The following ADK variants were observed in gnomAD, a reference collection of about 807,000 sequenced individuals.
The protein encoded by ADK is adenosine kinase, also known as N6,N6-dimethyladenosine kinase.
A neutral mutation model predicts 44.7 loss-of-function variants in ADK; 24 were observed. The ratio of observed to expected loss-of-function variants is 0.54; its 90% CI spans 0.39 to 0.76. The LOEUF (loss-of-function observed/expected upper bound fraction) is 0.76. Among genes scored for constraint, ADK ranks in the 30% least tolerant of loss-of-function variants. The pLI is 0.00. For synonymous variants in ADK, 128 were observed against 142.6 expected (o/e 0.90, Z 0.73); for missense variants, 321 against 425.1 (o/e 0.76, Z 2.15).
chr10:74,257,511 A>C lies in ADK; in HGVS notation c.194+32920A>C, dbSNP rs564910403. Among the ~76,000 whole-genome samples the C allele has an allele frequency of 4.6e-5, 7 of 152,336 alleles. No individual in the cohort carries two copies. The East Asian group carries it at 1.2e-3, about 25-fold the overall frequency. On this transcript the variant is annotated intron_variant, in intron 3 of 10. Transcript: ENST00000539909. The stretch of plus-strand genomic sequence containing the variant: ...CTTAAATGAAAAATATGAGTTAATA[A>C]AGCAATTTATAATTTTATATCAATT...
chr10:74,616,764 C>G (rs2134013873), intron 9 of ADK, among the ~76,000 whole-genome samples: 1 of 152,088 alleles, frequency 6.6e-6, no homozygotes, highest in East Asian at 1.9e-4. Context: ...TTTAAAAATT[C>G]CTTACTAGAG....
intron 6 of ADK, among the ~76,000 whole-genome samples, chr10:74,483,256 C>T (rs984524488): frequency 6.6e-6 from 1 of 152,194 alleles, no homozygotes; most frequent in Non-Finnish European, 1.5e-5. Flanking sequence ...TTACAGCTTG[C>T]ACCCTCTGGA....
intron 10 of ADK, among the ~76,000 whole-genome samples, chr10:74,695,620 GTGTGT>G (rs781133013): frequency 0.011 from 1,339 of 126,046 alleles, 15 homozygotes; most frequent in African/African-American, 0.013. Context: ...TATGTGTGGG[GTGTGT>G]GTGTGTGTGT....
At chr10:74,408,019 G>A (rs895311456) in intron 6 of ADK, among the ~76,000 whole-genome samples, 2 of 151,204 alleles carry the variant, frequency 1.3e-5, no homozygotes, top group Non-Finnish European at 2.9e-5. Context: ...TCAGTCTGTT[G>A]CCCAGGCTGG....
intron 9 of ADK, among the ~76,000 whole-genome samples, chr10:74,617,587 G>A (rs1444093671): frequency 6.6e-6 from 1 of 151,958 alleles, no homozygotes; most frequent in Non-Finnish European, 1.5e-5. Flanking sequence ...TTGATGTGAT[G>A]TTATTTTGTT....
chr10:74,664,994 C>A (rs190735622), intron 9 of ADK, among the ~76,000 whole-genome samples: 24 of 152,252 alleles, frequency 1.6e-4, no homozygotes, highest in Admixed American at 2.6e-4. Flanking sequence ...TATAACCTGG[C>A]TAACAGAATA....
chr10:74,275,553 ACT>A (rs1038986393), intron 3 of ADK, among the ~76,000 whole-genome samples: 6 of 151,888 alleles, frequency 4.0e-5, no homozygotes, highest in African/African-American at 1.5e-4. Context: ...CTCTTATTAA[ACT>A]CTCTAACAAT....
chr10:74,481,296 T>A (rs962252473), intron 6 of ADK, among the ~76,000 whole-genome samples: 3 of 152,310 alleles, frequency 2.0e-5, no homozygotes, highest in African/African-American at 7.2e-5. Flanking sequence ...ACTACTTTGT[T>A]ACTCTAATTT....
intron 6 of ADK, among the ~76,000 whole-genome samples, chr10:74,416,164 A>T (rs1844367664): frequency 1.3e-5 from 2 of 150,504 alleles, no homozygotes; most frequent in African/African-American, 4.9e-5. Flanking sequence ...CGTGAAGCTT[A>T]AAAAAAAATT....
At chr10:74,352,109 T>C (rs980468557) in intron 4 of ADK, among the ~76,000 whole-genome samples, 1 of 150,388 alleles carries the variant, frequency 6.6e-6, no homozygotes, top group Non-Finnish European at 1.5e-5. Flanking sequence ...AAGGAGCCTG[T>C]GTAGCTAAGA....
chr10:74,409,878 C>G (rs535378186), intron 6 of ADK, among the ~76,000 whole-genome samples: 2 of 152,242 alleles, frequency 1.3e-5, no homozygotes, highest in South Asian at 4.2e-4. Context: ...TTTACATCTC[C>G]TGCTTTGTTT....
At chr10:74,595,612 A>G (rs113092659) in intron 8 of ADK, among the ~76,000 whole-genome samples, 51,394 of 149,732 alleles carry the variant, frequency 0.34, 12,396 homozygotes, top group East Asian at 0.65. Flanking sequence ...TCCTGACCTC[A>G]TGATCCGCCC....
intron 3 of ADK, among the ~76,000 whole-genome samples, chr10:74,287,699 TA>T (rs1263761490): frequency 6.6e-6 from 1 of 152,034 alleles, no homozygotes; most frequent in Non-Finnish European, 1.5e-5. Context: ...ATATTCTGTA[TA>T]AAACTCGAAT....
chr10:74,486,666 T>G (rs973752170), intron 6 of ADK, among the ~76,000 whole-genome samples: 2 of 152,198 alleles, frequency 1.3e-5, no homozygotes. Flanking sequence ...GATCCAAATG[T>G]GAGTTCCAGT....
At chr10:74,669,913 G>T (rs568602704) in intron 9 of ADK, among the ~76,000 whole-genome samples, 1 of 152,048 alleles carries the variant, frequency 6.6e-6, no homozygotes, top group Non-Finnish European at 1.5e-5. Context: ...GCTACCATTT[G>T]TAGTCACTCC....
At chr10:74,700,728 G>A (rs1235239865) in intron 10 of ADK, among the ~76,000 whole-genome samples, 1 of 152,172 alleles carries the variant, frequency 6.6e-6, no homozygotes, top group Admixed American at 6.5e-5. Context: ...CAGTGAAAGT[G>A]GTTGCTTAAA....
At chr10:74,461,453 A>C (rs1204615240) in intron 6 of ADK, among the ~76,000 whole-genome samples, 1 of 152,130 alleles carries the variant, frequency 6.6e-6, no homozygotes, top group African/African-American at 2.4e-5. Flanking sequence ...CTGATTTGAA[A>C]TGTGACTTAT....
intron 1 of ADK, among the ~76,000 whole-genome samples, chr10:74,181,904 CT>C (rs1387120947): frequency 6.6e-6 from 1 of 152,166 alleles, no homozygotes; most frequent in Non-Finnish European, 1.5e-5. Flanking sequence ...ATTCTTTGGT[CT>C]GCCCAGATAG....
chr10:74,427,259 C>T (rs1027319412), intron 6 of ADK, among the ~76,000 whole-genome samples: 2 of 151,942 alleles, frequency 1.3e-5, no homozygotes, highest in African/African-American at 2.4e-5. Flanking sequence ...AGTGCAGTGG[C>T]GTGATCTCCG....
Sources: allele counts gnomAD v4.1 joint callset (sites outside exome capture counted in the v4.1 genomes callset), GRCh38; gene constraint gnomAD v4.1.1; transcripts MANE v1.5; gene names NCBI Gene and HGNC (gene_info 2026-07-23, HGNC 2026-07-21).